MYPN: variants seen among roughly 807,000 people sequenced by gnomAD.
The protein encoded by MYPN is myopalladin, also known as sarcomeric protein myopalladin, 145 kDa (MYOP).
MYPN carries 63 observed loss-of-function variants against 129.4 expected under a neutral mutation model. That is an observed-to-expected ratio of 0.49 (90% CI 0.40 to 0.60). The LOEUF (loss-of-function observed/expected upper bound fraction) is 0.60. Ranked by LOEUF, MYPN falls within the 20% of genes least tolerant of loss-of-function variation. MYPN has a pLI of 0.00. For missense variants in MYPN, 1,596 were observed against 1,635.4 expected, an observed-to-expected ratio of 0.98 and a Z score of 0.42; for synonymous variants, 629 against 600.9, an observed-to-expected ratio of 1.05 and a Z score of -0.68.
At chr10:68,204,983 C>G (rs2134328142) in intron 18 of MYPN, among the ~76,000 whole-genome samples, 1 of 152,214 alleles carries the variant, frequency 6.6e-6, no homozygotes, top group South Asian at 2.1e-4. Flanking sequence ...CCTGGAACAG[C>G]CACATCCCAC....
At position 68,109,692 on chromosome 10, in the gene MYPN, C is replaced by T. The variant is rs1467884808; in HGVS notation, c.-33C>T. ...ATTGCAGTGGAGTGCCTGGATTGGA[C>T]ATCCTCATCTGGGTCAACTAAAAAA... On this transcript the variant is annotated 5_prime_UTR_variant, in exon 1 of 20. Coordinates refer to ENST00000358913, the MANE Select transcript of MYPN (RefSeq NM_032578.4). 4.4e-6 allele frequency: 2 copies of T among 453,942 alleles called. No homozygotes were observed. Among genetic ancestry groups the T allele is most frequent in the Non-Finnish European group, 8.8e-6 (2 of 226,784 alleles). The allele number at this position is 453,942 out of a possible 1,614,324, so 28.1% of individuals were successfully genotyped here.
rs771623542 is a variant in MYPN at position 68,122,194 on chromosome 10, A to C, written c.756A>C (p.Pro252=). The part of the protein sequence containing the change: ...ASEAAGGDTT[P]GSSPSSLYYE... ...AGGCGGCTGGTGGAGACACTACACC[A>C]GGGTCTTCCCCTTCATCTCTGTACT... The change falls in exon 2 of 20, where the codon CCA becomes CCC. Residue 252 remains proline, a synonymous_variant. Coordinates refer to ENST00000358913, the MANE Select transcript of MYPN (RefSeq NM_032578.4). 1.9e-6 allele frequency: 3 copies of C among 1,609,464 alleles called. No individual in the cohort carries two copies. In the Admixed American group the frequency reaches 5.0e-5, roughly 27 times the overall value.
intron 6 of MYPN, among the ~76,000 whole-genome samples, chr10:68,154,909 G>A (rs2042841751): frequency 1.3e-5 from 2 of 152,196 alleles, no homozygotes; most frequent in South Asian, 4.1e-4. Context: ...GCCAGGCACG[G>A]TGGCTCACAA....
intron 2 of MYPN, among the ~76,000 whole-genome samples, chr10:68,128,510 T>TCATC (rs1218258301): frequency 6.6e-6 from 1 of 152,230 alleles, no homozygotes; most frequent in Non-Finnish European, 1.5e-5. Flanking sequence ...ATTCATTCAT[T>TCATC]CATCCAACAA....
chr10:68,197,039 G>A (rs1260755572), intron 15 of MYPN, among the ~76,000 whole-genome samples: 1 of 152,130 alleles, frequency 6.6e-6, no homozygotes, highest in Non-Finnish European at 1.5e-5. Flanking sequence ...TTATTTTGAT[G>A]GCTTTTGAAT....
chr10:68,194,226 A>C, intron 13 of MYPN, 137 bp from the exon 14 acceptor site: 1 of 809,400 alleles, frequency 1.2e-6, no homozygotes, highest in South Asian at 1.5e-5. Flanking sequence ...AATATGTTTT[A>C]TAACTTTTTT....
chr10:68,106,833 G>A (rs2042017908), upstream of MYPN: 1 of 716,232 alleles, frequency 1.4e-6, no homozygotes, highest in African/African-American at 1.7e-5. Flanking sequence ...CTGACTGACT[G>A]AATTAAGAAA....
intron 12 of MYPN, among the ~76,000 whole-genome samples, chr10:68,187,548 A>T (rs187327268): frequency 1.3e-3 from 191 of 152,322 alleles, no homozygotes; most frequent in Non-Finnish European, 2.3e-3. Flanking sequence ...GAAATGAGGA[A>T]AAGTAGGTTA....
chr10:68,190,442 T>G, intron 13 of MYPN, among the ~76,000 whole-genome samples: 1 of 46,978 alleles, frequency 2.1e-5, no homozygotes, highest in South Asian at 1.3e-3. Flanking sequence ...CCTGGAGGCC[T>G]CAGCCTCCCA....
In MYPN at chr10:68,144,888, A is replaced by G. The variant is rs375622704; in HGVS notation, c.1079-587A>G. 3.9e-5 allele frequency among the ~76,000 whole-genome samples: 6 copies of G among 152,172 alleles called. No individual in the cohort carries two copies. In the South Asian group the frequency reaches 1.2e-3, roughly 32 times the overall value. The stretch of plus-strand genomic sequence containing the variant: ...ATCAGCAGGTGTTTTACATATGTGA[A>G]CGCTTAGAAGTTGGGTCAGTTAATT... On this transcript the variant is annotated intron_variant, in intron 3 of 19. Coordinates refer to ENST00000358913, the MANE Select transcript of MYPN (RefSeq NM_032578.4).
At chr10:68,103,685 C>T (rs1205365712), upstream of MYPN, among the ~76,000 whole-genome samples, 1 of 152,166 alleles carries the variant, frequency 6.6e-6, no homozygotes, top group Non-Finnish European at 1.5e-5. Context: ...TGTGGTGGCT[C>T]ATGCCTGTAA....
chr10:68,210,933 T>C lies in MYPN; in HGVS notation c.*478T>C, dbSNP rs909967848. On this transcript the variant is annotated 3_prime_UTR_variant, in exon 20 of 20. Coordinates refer to ENST00000358913, the MANE Select transcript of MYPN (RefSeq NM_032578.4). ...ATTACATGTATAGCAGTAGTTTTGG[T>C]GAATTCACCAAATCAGCTTCCACTT... 1 of 454,562 alleles carries C rather than the reference T, an allele frequency of 2.2e-6. No individual in the cohort carries two copies. Among genetic ancestry groups the C allele is most frequent in the Non-Finnish European group, 4.4e-6 (1 of 226,908 alleles). 28.2% of individuals were successfully genotyped at this position (454,562 alleles called of 1,614,324 possible).
At chr10:68,093,195 A>G (rs999873378) in intron 1 of MYPN, among the ~76,000 whole-genome samples, 9 of 152,218 alleles carry the variant, frequency 5.9e-5, no homozygotes, top group African/African-American at 2.2e-4. Context: ...ACATTTTTAC[A>G]TGTTGGAAAA....
At chr10:68,179,338 C>T (rs570418063) in intron 12 of MYPN, among the ~76,000 whole-genome samples, 30 of 152,250 alleles carry the variant, frequency 2.0e-4, no homozygotes, top group Admixed American at 1.9e-3. Context: ...TCTCTGTATC[C>T]TCTGCCATGG....
chr10:68,140,628 G>A (rs1478735813), intron 2 of MYPN, among the ~76,000 whole-genome samples: 1 of 152,028 alleles, frequency 6.6e-6, no homozygotes, highest in African/African-American at 2.4e-5. Flanking sequence ...ATTTGTAGTA[G>A]CTGAAAGGCA....
intron 8 of MYPN, chr10:68,162,205 T>C (rs116260077): frequency 0.014 from 2,108 of 148,264 alleles, 54 homozygotes; most frequent in African/African-American, 0.049. Context: ...AAATGAACTA[T>C]AGCTATTATT....
chr10:68,199,236 A>G (rs1043156689), intron 16 of MYPN, 132 bp from the exon 17 acceptor site: 1 of 840,776 alleles, frequency 1.2e-6, no homozygotes, highest in Non-Finnish European at 2.0e-6. Context: ...CGATGCCCCT[A>G]CAGAGAGGTT....
chr10:68,196,483 C>CTTTTTTTTTTTTTTTTTT (rs71009021), intron 15 of MYPN, among the ~76,000 whole-genome samples: 9 of 112,518 alleles, frequency 8.0e-5, no homozygotes, highest in Admixed American at 1.1e-4. Flanking sequence ...CCTTCTTCTT[C>CTTTTTTTTTTTTTTTTTT]TTTTTTTTTT....
At chr10:68,104,888 A>G (rs994253422), upstream of MYPN, among the ~76,000 whole-genome samples, 5 of 152,034 alleles carry the variant, frequency 3.3e-5, no homozygotes, top group African/African-American at 4.8e-5. Flanking sequence ...GGTTCAAGTG[A>G]TTCTCCTGTC....
Sources: allele counts gnomAD v4.1 joint callset (sites outside exome capture counted in the v4.1 genomes callset), GRCh38; gene constraint gnomAD v4.1.1; transcripts MANE v1.5; gene names NCBI Gene and HGNC (gene_info 2026-07-23, HGNC 2026-07-21).